STXBP5L: variants seen among roughly 807,000 people sequenced by gnomAD.
STXBP5L encodes syntaxin-binding protein 5-like.
Under a neutral mutation model 144.5 loss-of-function variants are expected in STXBP5L, and 65 were observed. The observed-to-expected ratio is 0.45, with a 90% CI of 0.37 to 0.55. The LOEUF is 0.55. Among genes scored for constraint, STXBP5L ranks in the 20% least tolerant of loss-of-function variants. The pLI is 0.00. For missense variants in STXBP5L, 1,298 were observed against 1,405.5 expected, an observed-to-expected ratio of 0.92 and a Z score of 1.22; for synonymous variants, 505 against 469.6, an observed-to-expected ratio of 1.08 and a Z score of -0.97.
At chr3:121,214,706 G>T (rs1466924629) in intron 10 of STXBP5L, among the ~76,000 whole-genome samples, 1 of 152,186 alleles carries the variant, frequency 6.6e-6, no homozygotes, top group Non-Finnish European at 1.5e-5. Context: ...GAGTTCTGTA[G>T]ATGTCTATTA....
At chr3:121,314,357 C>T (rs1047447570) in intron 19 of STXBP5L, among the ~76,000 whole-genome samples, 9 of 136,420 alleles carry the variant, frequency 6.6e-5, no homozygotes, top group Middle Eastern at 3.6e-3. Context: ...CTCGGGAGGC[C>T]GAGGCTGGCG....
chr3:121,268,958 G>A (rs1342233222), intron 18 of STXBP5L, among the ~76,000 whole-genome samples: 3 of 151,956 alleles, frequency 2.0e-5, no homozygotes, highest in African/African-American at 7.3e-5. Flanking sequence ...ATTACACCAG[G>A]TCTTTATCAT....
intron 20 of STXBP5L, among the ~76,000 whole-genome samples, chr3:121,334,439 C>CAA (rs144987474): frequency 9.1e-5 from 13 of 142,676 alleles, no homozygotes; most frequent in African/African-American, 2.1e-4. Context: ...AGGGACACAA[C>CAA]AACAAAAAAA....
At chr3:121,377,331 C>A (rs973348958) in intron 20 of STXBP5L, among the ~76,000 whole-genome samples, 27 of 152,118 alleles carry the variant, frequency 1.8e-4, no homozygotes, top group African/African-American at 6.5e-4. Context: ...CCAACATTGA[C>A]AAATGTGATC....
At chr3:120,999,707 T>G (rs1360908090) in intron 3 of STXBP5L, among the ~76,000 whole-genome samples, 1 of 152,144 alleles carries the variant, frequency 6.6e-6, no homozygotes, top group Non-Finnish European at 1.5e-5. Flanking sequence ...TTGTGATGGG[T>G]GGTAAGTCTT....
chr3:121,091,026 G>A (rs1465049339), intron 5 of STXBP5L, among the ~76,000 whole-genome samples: 1 of 149,770 alleles, frequency 6.7e-6, no homozygotes, highest in Non-Finnish European at 1.5e-5. Flanking sequence ...AGAATATGCG[G>A]TGTGTGGTTT....
At chr3:121,232,604 C>A (rs913623246) in intron 11 of STXBP5L, among the ~76,000 whole-genome samples, 3 of 152,174 alleles carry the variant, frequency 2.0e-5, no homozygotes, top group African/African-American at 7.2e-5. Flanking sequence ...ACAGTCAAAA[C>A]TGTCCTGAAA....
At chr3:121,106,536 G>A (rs918122593) in intron 5 of STXBP5L, among the ~76,000 whole-genome samples, 1 of 152,070 alleles carries the variant, frequency 6.6e-6, no homozygotes, top group African/African-American at 2.4e-5. Flanking sequence ...GAGGATAATG[G>A]CTTTGAGCTC....
intron 20 of STXBP5L, among the ~76,000 whole-genome samples, chr3:121,353,810 G>A (rs2045397115): frequency 6.6e-6 from 1 of 152,104 alleles, no homozygotes; most frequent in African/African-American, 2.4e-5. Flanking sequence ...GCTTTCTCTT[G>A]TGGACATTTA....
In STXBP5L at chr3:121,276,530, C is replaced by G. The variant is rs146022476; in HGVS notation, c.1959-3275C>G. 3.1e-3 allele frequency among the ~76,000 whole-genome samples: 463 copies of G among 151,598 alleles called. 3 individuals are homozygous for G. Among genetic ancestry groups the G allele is most frequent in the African/African-American group, 0.01 (432 of 41,428 alleles). ...AGATTTCCCTTATTATTTTTGTAAC[C>G]CATTTATGTGAGTGATGAATTCCTT... On this transcript the variant is annotated intron_variant, in intron 18 of 26. Coordinates refer to ENST00000471454, the MANE Select transcript of STXBP5L (RefSeq NM_001308330.2).
At chr3:121,357,968 C>A (rs954876865) in intron 20 of STXBP5L, 2 of 151,770 alleles carry the variant, frequency 1.3e-5, no homozygotes, top group Non-Finnish European at 2.9e-5. Context: ...TTTTAAAAAT[C>A]TTTTATTTTA....
At chr3:121,247,940 A>G (rs1026534426) in intron 14 of STXBP5L, among the ~76,000 whole-genome samples, 2 of 152,188 alleles carry the variant, frequency 1.3e-5, no homozygotes, top group African/African-American at 2.4e-5. Flanking sequence ...CCTACCAACA[A>G]TGTTTAAGCA....
chr3:121,101,396 G>C (rs1389133806), intron 5 of STXBP5L, among the ~76,000 whole-genome samples: 1 of 152,038 alleles, frequency 6.6e-6, no homozygotes, highest in East Asian at 1.9e-4. Flanking sequence ...AATTCACCAT[G>C]ATCAATTAGG....
intron 20 of STXBP5L, among the ~76,000 whole-genome samples, chr3:121,334,738 C>G (rs1406644569): frequency 3.9e-5 from 6 of 151,950 alleles, no homozygotes; most frequent in Admixed American, 3.3e-4. Flanking sequence ...AGATAGAAAC[C>G]ACATGATCAT....
rs562027726 is a variant in STXBP5L at position 120,996,742 on chromosome 3, C to T, written c.287+41705C>T. Among the ~76,000 whole-genome samples the T allele has an allele frequency of 8.5e-5, 13 of 152,218 alleles. No individual in the cohort carries two copies. The South Asian group carries it at 2.5e-3, about 29-fold the overall frequency. On this transcript the variant is annotated intron_variant, in intron 3 of 26. Coordinates refer to ENST00000471454, the MANE Select transcript of STXBP5L (RefSeq NM_001308330.2). ...TCTGTGTCTGGAGTTTTTCACTTAT[C>T]TTAATATCCTCCACATTCATCCATG...
chr3:121,191,125 T>A (rs2047659455), intron 9 of STXBP5L, among the ~76,000 whole-genome samples: 1 of 152,082 alleles, frequency 6.6e-6, no homozygotes, highest in Non-Finnish European at 1.5e-5. Flanking sequence ...ACTCCTCACT[T>A]TCTAGACAGG....
intron 9 of STXBP5L, among the ~76,000 whole-genome samples, chr3:121,174,955 A>G (rs951793098): frequency 4.6e-5 from 7 of 152,126 alleles, no homozygotes; most frequent in Non-Finnish European, 4.4e-5. Flanking sequence ...AAAAACCCAG[A>G]CAACCCTACC....
At chr3:121,405,924 G>A (rs918826385) in intron 22 of STXBP5L, among the ~76,000 whole-genome samples, 2 of 152,068 alleles carry the variant, frequency 1.3e-5, no homozygotes, top group African/African-American at 4.8e-5. Context: ...CTTTCAAAAT[G>A]TGGATTTCTT....
In STXBP5L at chr3:121,005,273, G is replaced by A. The variant is rs934302915; in HGVS notation, c.288-36427G>A. Among the ~76,000 whole-genome samples, 10 of 152,092 alleles carry A rather than the reference G, an allele frequency of 6.6e-5. 1 individual carries two copies. The highest frequency in any genetic ancestry group is 2.4e-4 in the African/African-American group (10 of 41,416). On this transcript the variant is annotated intron_variant, in intron 3 of 26. Transcript: ENST00000471454. ...AGATATTCAACTTCTTCCTTATTTA[G>A]TCTTGAGAGGGTGTATGTGTCCAGG...
Sources: gnomAD v4.1 joint callset for allele counts (sites outside exome capture counted in the v4.1 genomes callset) on GRCh38, gnomAD v4.1.1 for gene constraint, MANE v1.5 for transcripts, NCBI Gene and HGNC (gene_info 2026-07-23, HGNC 2026-07-21) for gene names.